The following RNF115 variants were observed in gnomAD, a reference collection of about 807,000 sequenced individuals.
RNF115 encodes the protein ring finger protein 115.
RNF115 carries 31 observed loss-of-function variants against 39.2 expected under a neutral mutation model. The ratio of observed to expected loss-of-function variants is 0.79; its 90% CI spans 0.59 to 1.07. The LOEUF (loss-of-function observed/expected upper bound fraction) is 1.07. Ranked by LOEUF, RNF115 falls within the 50% of genes least tolerant of loss-of-function variation. The pLI is 0.00. For synonymous variants in RNF115, 124 were observed against 131.0 expected (o/e 0.95, Z 0.37); for missense variants, 384 against 381.7 (o/e 1.01, Z -0.05).
intron 8 of RNF115, among the ~76,000 whole-genome samples, chr1:145,747,771 C>T (rs1657929072): frequency 6.6e-6 from 1 of 152,198 alleles, no homozygotes; most frequent in Admixed American, 6.5e-5. Context: ...ATGAACATAG[C>T]TGTGTTCCAA....
intron 2 of RNF115, chr1:145,787,134 G>C: frequency 1.5e-6 from 1 of 659,786 alleles, no homozygotes; most frequent in Non-Finnish European, 2.4e-6. Context: ...AGATTAAGAG[G>C]CTTCAGATTA....
At position 145,801,845 on chromosome 1, in the gene RNF115, T is replaced by G. The variant is rs1017616597; in HGVS notation, c.103-12879A>C. On this transcript the variant is annotated intron_variant, in intron 1 of 8. Transcript: ENST00000582693. ...CTCTGTTGCCCAGGCTGGAGTGCAG[T>G]GGCACCATCTCGGCTCACTGCAACC... is the stretch of plus-strand genomic sequence containing the variant. Among the ~76,000 whole-genome samples, 6 of 152,238 alleles carry G rather than the reference T, an allele frequency of 3.9e-5. No homozygotes were observed. In the South Asian group the frequency reaches 6.2e-4, roughly 16 times the overall value.
At chr1:145,823,048 G>A (rs1487368563) in intron 1 of RNF115, among the ~76,000 whole-genome samples, 1 of 78,544 alleles carries the variant, frequency 1.3e-5, no homozygotes, top group East Asian at 3.5e-4. Context: ...GGCGGGGGGC[G>A]GAACAATGAT....
chr1:145,779,240 G>A (rs1222703395), intron 3 of RNF115, among the ~76,000 whole-genome samples: 3 of 151,254 alleles, frequency 2.0e-5, no homozygotes, highest in African/African-American at 7.3e-5. Flanking sequence ...AGTGGCACGA[G>A]CTCAGCTCAC....
chr1:145,762,852 C>G (rs1553714042), intron 4 of RNF115, among the ~76,000 whole-genome samples: 1 of 152,046 alleles, frequency 6.6e-6, no homozygotes, highest in African/African-American at 2.4e-5. Flanking sequence ...AAATCATGTC[C>G]TTTGCAGCAA....
intron 4 of RNF115, among the ~76,000 whole-genome samples, chr1:145,765,645 CCTCA>C (rs1225811860): frequency 1.7e-5 from 2 of 115,638 alleles, no homozygotes; most frequent in Non-Finnish European, 3.6e-5. Context: ...AACAGAATAC[CCTCA>C]GTTATAAATT....
intron 3 of RNF115, among the ~76,000 whole-genome samples, chr1:145,784,300 G>T (rs1295777471): frequency 1.3e-5 from 2 of 152,142 alleles, no homozygotes; most frequent in Non-Finnish European, 2.9e-5. Flanking sequence ...AACACTACCA[G>T]TTTAAAAGAA....
intron 8 of RNF115, 136 bp from the exon 9 acceptor site, chr1:145,747,133 CA>C: frequency 1.2e-5 from 10 of 866,966 alleles, no homozygotes; most frequent in Non-Finnish European, 1.6e-5. Flanking sequence ...AATGCATCCT[CA>C]TAGAGCATGC....
chr1:145,808,258 T>A (rs372429629), intron 1 of RNF115, among the ~76,000 whole-genome samples: 2 of 152,208 alleles, frequency 1.3e-5, no homozygotes, highest in African/African-American at 4.8e-5. Flanking sequence ...TTTTGAAATA[T>A]ATCCATTCTG....
intron 4 of RNF115, among the ~76,000 whole-genome samples, chr1:145,766,536 G>A (rs1199154142): frequency 2.1e-4 from 32 of 150,918 alleles, no homozygotes; most frequent in Non-Finnish European, 3.7e-4. Flanking sequence ...GGTGGTGGCC[G>A]GGCAGAGGGG....
rs1259316051 is a variant in RNF115, at chr1:145,743,425, G to C, written c.*3441C>G. ...CACCATCAGCTCTCCTGGATCTCTA[G>C]CTGGCCCACTGCAGATCTTGGGATT... On this transcript the variant is annotated 3_prime_UTR_variant, in exon 9 of 9. Coordinates refer to ENST00000582693, the MANE Select transcript of RNF115 (RefSeq NM_014455.4). 1 of 152,230 alleles carries C rather than the reference G, an allele frequency of 6.6e-6. No homozygotes were observed. The highest frequency in any genetic ancestry group is 1.5e-5 in the Non-Finnish European group (1 of 68,126). 9.4% of individuals were successfully genotyped at this position (152,230 alleles called of 1,614,324 possible).
At chr1:145,799,438 G>A (rs1553720552) in intron 1 of RNF115, among the ~76,000 whole-genome samples, 2 of 152,086 alleles carry the variant, frequency 1.3e-5, no homozygotes, top group African/African-American at 4.8e-5. Flanking sequence ...TCTAATTTGG[G>A]TGCTTTTCTT....
chr1:145,769,934 C>G (rs1371718499), intron 4 of RNF115, among the ~76,000 whole-genome samples: 1 of 151,954 alleles, frequency 6.6e-6, no homozygotes, highest in Non-Finnish European at 1.5e-5. Context: ...TTGAGCCCAC[C>G]GAGTTTGAGG....
chr1:145,790,599 A>G (rs1202344528), intron 1 of RNF115, among the ~76,000 whole-genome samples: 2 of 150,784 alleles, frequency 1.3e-5, no homozygotes, highest in Non-Finnish European at 3.0e-5. Flanking sequence ...TGCCCAGCTA[A>G]TTTTGTATTT....
intron 7 of RNF115, among the ~76,000 whole-genome samples, 172 bp downstream of exon 7, chr1:145,750,235 G>C (rs1658023291): frequency 6.6e-6 from 1 of 152,132 alleles, no homozygotes; most frequent in Non-Finnish European, 1.5e-5. Flanking sequence ...AGGAATTTTA[G>C]AGGGCTATAG....
chr1:145,746,855 G>A lies in RNF115; in HGVS notation c.*11C>T, dbSNP rs782443304. The A allele has an allele frequency of 3.1e-6, 5 of 1,613,438 alleles. No individual in the cohort carries two copies. Among genetic ancestry groups the A allele is most frequent in the Middle Eastern group, 3.3e-4 (2 of 6,082 alleles). On this transcript the variant is annotated 3_prime_UTR_variant, in exon 9 of 9. Transcript: ENST00000582693. ...ATTACCACAGCCCTGATTCAGGTGTGGTCTTTAGCTTCAGAAAGTCCATCG... is the reference window on the plus strand; with the variant it reads ...ATTACCACAGCCCTGATTCAGGTGTAGTCTTTAGCTTCAGAAAGTCCATCG...
chr1:145,762,615 T>A (rs1658576095), intron 4 of RNF115, among the ~76,000 whole-genome samples: 1 of 152,088 alleles, frequency 6.6e-6, no homozygotes, highest in African/African-American at 2.4e-5. Flanking sequence ...CATCAAGGTG[T>A]AACTATGGCT....
At position 145,821,357 on chromosome 1, in the gene RNF115, A is replaced by C. The variant is rs1274913722; in HGVS notation, c.102+2415T>G. ...CCAGGCATTAACTAAGGCTTAGAAA[A>C]ACACCTATTCAGCTTTTCAAATTAT... On this transcript the variant is annotated intron_variant, in intron 1 of 8. Coordinates refer to ENST00000582693, the MANE Select transcript of RNF115 (RefSeq NM_014455.4). Among the ~76,000 whole-genome samples the C allele has an allele frequency of 1.5e-5, 2 of 131,412 alleles. 1 individual carries two copies. The highest frequency in any genetic ancestry group is 3.5e-5 in the Non-Finnish European group (2 of 57,584). 86.2% of individuals were successfully genotyped at this position (131,412 alleles called of 152,430 possible).
chr1:145,771,621 A>G (rs374816065), intron 4 of RNF115, 90 bp downstream of exon 4: 37 of 1,015,242 alleles, frequency 3.6e-5, no homozygotes, highest in South Asian at 2.4e-4. Context: ...CACAAAGGTA[A>G]TAAGTATGAG....
Sources: gnomAD v4.1 joint callset for allele counts (sites outside exome capture counted in the v4.1 genomes callset) on GRCh38, gnomAD v4.1.1 for gene constraint, MANE v1.5 for transcripts, NCBI Gene and HGNC (gene_info 2026-07-23, HGNC 2026-07-21) for gene names.